The following FAM81A variants were observed in gnomAD, a reference collection of about 807,000 sequenced individuals.
FAM81A encodes family with sequence similarity 81 member A.
Under a neutral mutation model 46.7 loss-of-function variants are expected in FAM81A, and 19 were observed. The ratio of observed to expected loss-of-function variants is 0.41; its 90% CI spans 0.28 to 0.60. FAM81A has a LOEUF of 0.60. Ranked by LOEUF, FAM81A falls within the 20% of genes least tolerant of loss-of-function variation. FAM81A has a pLI of 0.34. For synonymous variants in FAM81A, 183 were observed against 152.9 expected (o/e 1.20, Z -1.45); for missense variants, 377 against 453.5 (o/e 0.83, Z 1.53).
intron 7 of FAM81A, among the ~76,000 whole-genome samples, chr15:59,515,073 C>T (rs1322328295): frequency 1.3e-5 from 2 of 151,968 alleles, no homozygotes; most frequent in African/African-American, 2.4e-5. Context: ...GGTGAAACCC[C>T]ATCTCTACAA....
chr15:59,476,716 G>T (rs2081774601), intron 3 of FAM81A, among the ~76,000 whole-genome samples: 2 of 151,502 alleles, frequency 1.3e-5, no homozygotes, highest in African/African-American at 4.8e-5. Context: ...TTTGAACCTG[G>T]GAGGTGGAGG....
chr15:59,476,121 G>A (rs1293522719), intron 3 of FAM81A, among the ~76,000 whole-genome samples: 1 of 152,102 alleles, frequency 6.6e-6, no homozygotes, highest in African/African-American at 2.4e-5. Context: ...CTTCTTTTAA[G>A]GTACTAATCC....
chr15:59,402,037 T>C (rs1341925391), intron 1 of FAM81A: 20 of 570,414 alleles, frequency 3.5e-5, no homozygotes, highest in Middle Eastern at 5.1e-4. Context: ...GAGCAGCCCC[T>C]GGGGTGCGAA....
chr15:59,493,883 C>T (rs933561240), intron 4 of FAM81A, among the ~76,000 whole-genome samples: 5 of 152,160 alleles, frequency 3.3e-5, no homozygotes, highest in East Asian at 1.9e-4. Context: ...CCACCGCGCC[C>T]GGCCTCCTCC....
intron 3 of FAM81A, among the ~76,000 whole-genome samples, chr15:59,487,224 T>TTA (rs1302454932): frequency 8.2e-5 from 12 of 146,568 alleles, no homozygotes; most frequent in African/African-American, 1.7e-4. Context: ...TATATGTATA[T>TTA]TATATATATA....
At chr15:59,437,704 G>A (rs2081252885), upstream of FAM81A, among the ~76,000 whole-genome samples, 1 of 152,138 alleles carries the variant, frequency 6.6e-6, no homozygotes, top group African/African-American at 2.4e-5. Context: ...ATTTGAGGTG[G>A]GGCGGGGGAG....
chr15:59,458,654 T>C lies in FAM81A; in HGVS notation c.20+8T>C. 1 of 1,612,848 alleles carries C rather than the reference T, an allele frequency of 6.2e-7. No homozygotes were observed. Among genetic ancestry groups the C allele is most frequent in the South Asian group, 1.1e-5 (1 of 91,056 alleles). On this transcript the variant is annotated splice_region_variant and intron_variant, in intron 2 of 8. Coordinates refer to ENST00000288228, the MANE Select transcript of FAM81A (RefSeq NM_152450.3). ...GGAAAATATGCATCTAAGGTATACT[T>C]TTCCTTTCCACTCATCCCATGGGGG...
intron 2 of FAM81A, among the ~76,000 whole-genome samples, chr15:59,418,503 A>T (rs534494800): frequency 3.9e-5 from 6 of 152,364 alleles, no homozygotes; most frequent in Non-Finnish European, 8.8e-5. Context: ...AAAGGGTGTT[A>T]GAATCTGGTC....
chr15:59,425,589 T>C (rs1432496681), intron 2 of FAM81A, among the ~76,000 whole-genome samples: 1 of 152,212 alleles, frequency 6.6e-6, no homozygotes, highest in Non-Finnish European at 1.5e-5. Flanking sequence ...ATTTTTGTTT[T>C]AGTAAAATAG....
chr15:59,449,608 C>T lies in FAM81A; in HGVS notation c.-77-8942C>T, dbSNP rs562764752. ...CATCCTGGCTAACACAGTGAAACCC[C>T]GTCTCTACTAAAAAACACAAAAAAT... On this transcript the variant is annotated intron_variant, in intron 1 of 8. Coordinates refer to ENST00000288228, the MANE Select transcript of FAM81A (RefSeq NM_152450.3). 8.6e-5 allele frequency among the ~76,000 whole-genome samples: 13 copies of T among 151,954 alleles called. No homozygotes were observed. The South Asian group carries it at 2.7e-3, about 32-fold the overall frequency.
At position 59,451,453 on chromosome 15, in the gene FAM81A, A is replaced by AT. The variant is rs11287400; in HGVS notation, c.-77-7081dup. Among the ~76,000 whole-genome samples the AT allele has an allele frequency of 5.6e-4, 78 of 139,614 alleles. No homozygotes were observed. In the East Asian group the frequency reaches 6.9e-3, roughly 12 times the overall value. 91.6% of individuals were successfully genotyped at this position (139,614 alleles called of 152,430 possible). On this transcript the variant is annotated intron_variant, in intron 1 of 8. Coordinates refer to ENST00000288228, the MANE Select transcript of FAM81A (RefSeq NM_152450.3). ...TCCTAGGTCCTTGAAAACACCAATAATTTTTTTTTTTTTTTTGAGATGAGT... is the reference window on the plus strand; with the variant it reads ...TCCTAGGTCCTTGAAAACACCAATAATTTTTTTTTTTTTTTTTGAGATGAGT...
At chr15:59,418,932 C>T (rs2081158737) in intron 2 of FAM81A, among the ~76,000 whole-genome samples, 1 of 152,178 alleles carries the variant, frequency 6.6e-6, no homozygotes, top group South Asian at 2.1e-4. Flanking sequence ...ATATTGTCAT[C>T]ATTATCCTTC....
chr15:59,466,650 G>C (rs1449254924), intron 3 of FAM81A, among the ~76,000 whole-genome samples: 2 of 152,146 alleles, frequency 1.3e-5, no homozygotes, highest in Non-Finnish European at 2.9e-5. Context: ...CTCCCATTCT[G>C]TAGGTTGCCT....
At chr15:59,458,885 C>G (rs2081516169) in intron 2 of FAM81A, among the ~76,000 whole-genome samples, 1 of 152,232 alleles carries the variant, frequency 6.6e-6, no homozygotes, top group Non-Finnish European at 1.5e-5. Flanking sequence ...TGAAATATAA[C>G]TCCGGGGGCT....
intron 2 of FAM81A, among the ~76,000 whole-genome samples, chr15:59,419,144 A>G (rs908365922): frequency 2.0e-5 from 3 of 152,210 alleles, no homozygotes; most frequent in Non-Finnish European, 4.4e-5. Flanking sequence ...TGTCCTGAAC[A>G]CAGTAGGCAC....
At chr15:59,440,758 C>G (rs912965531) in intron 1 of FAM81A, among the ~76,000 whole-genome samples, 1 of 152,184 alleles carries the variant, frequency 6.6e-6, no homozygotes, top group Non-Finnish European at 1.5e-5. Flanking sequence ...CCTTCAGCCC[C>G]TCTGTGACTC....
intron 1 of FAM81A, among the ~76,000 whole-genome samples, chr15:59,441,659 C>A (rs544961274): frequency 3.3e-5 from 5 of 152,344 alleles, no homozygotes; most frequent in African/African-American, 1.2e-4. Flanking sequence ...GGCCTTTGCC[C>A]TGGCTTTCCC....
chr15:59,423,390 G>T (rs769796778), intron 2 of FAM81A, among the ~76,000 whole-genome samples: 9 of 152,196 alleles, frequency 5.9e-5, no homozygotes, highest in African/African-American at 1.9e-4. Flanking sequence ...GAGCCATCGC[G>T]CCTGGTCTGA....
chr15:59,503,259 C>T (rs1470207750), intron 4 of FAM81A, among the ~76,000 whole-genome samples: 1 of 143,382 alleles, frequency 7.0e-6, no homozygotes, highest in Non-Finnish European at 1.5e-5. Context: ...AAAAAAAAAG[C>T]CTTACCACCT....
Sources: gnomAD v4.1 joint callset for allele counts (sites outside exome capture counted in the v4.1 genomes callset) on GRCh38, gnomAD v4.1.1 for gene constraint, MANE v1.5 for transcripts, NCBI Gene and HGNC (gene_info 2026-07-23, HGNC 2026-07-21) for gene names.